PDE10A: variants seen among roughly 807,000 people sequenced by gnomAD.
PDE10A encodes the protein cAMP and cAMP-inhibited cGMP 3',5'-cyclic phosphodiesterase 10A.
In PDE10A, 39 loss-of-function variants were observed where a neutral mutation model predicts 97.7. That is an observed-to-expected ratio of 0.40 (90% CI 0.31 to 0.52). The LOEUF (loss-of-function observed/expected upper bound fraction) is 0.52, where lower values mean the gene tolerates loss of function less well. PDE10A is among the 20% of genes least tolerant of loss of function. PDE10A has a pLI of 0.56. For synonymous variants in PDE10A, 371 were observed against 376.8 expected (o/e 0.98, Z 0.18); for missense variants, 731 against 1,047.8 (o/e 0.70, Z 4.17).
At chr6:165,653,913 T>C (rs1789810418) in intron 1 of PDE10A, among the ~76,000 whole-genome samples, 1 of 152,044 alleles carries the variant, frequency 6.6e-6, no homozygotes, top group Non-Finnish European at 1.5e-5. Context: ...CATGAGATCC[T>C]CCTACTCTAC....
At chr6:165,707,442 T>G (rs1791740849) in intron 1 of PDE10A, among the ~76,000 whole-genome samples, 1 of 152,178 alleles carries the variant, frequency 6.6e-6, no homozygotes, top group African/African-American at 2.4e-5. Flanking sequence ...AGGCCTCACC[T>G]CAAGGTGTTG....
intron 1 of PDE10A, among the ~76,000 whole-genome samples, chr6:165,745,451 C>T (rs1036351512): frequency 2.0e-5 from 3 of 152,126 alleles, no homozygotes; most frequent in Admixed American, 6.5e-5. Context: ...AGTTCTGATA[C>T]TTAACTAATA....
intron 1 of PDE10A, among the ~76,000 whole-genome samples, chr6:165,932,661 G>A (rs138278840): frequency 0.014 from 2,053 of 151,814 alleles, 50 homozygotes; most frequent in African/African-American, 0.047. Context: ...TAGTAGAGAC[G>A]GTGTTTCACC....
At chr6:165,952,144 T>A (rs949274099) in intron 1 of PDE10A, among the ~76,000 whole-genome samples, 1 of 152,230 alleles carries the variant, frequency 6.6e-6, no homozygotes, top group African/African-American at 2.4e-5. Flanking sequence ...CAGCTAGGGT[T>A]CAACGTCAGC....
chr6:165,400,722 G>T (rs537817529), intron 13 of PDE10A, among the ~76,000 whole-genome samples: 1 of 152,290 alleles, frequency 6.6e-6, no homozygotes, highest in African/African-American at 2.4e-5. Flanking sequence ...ACCCAAGCGA[G>T]ATGAAAGTCT....
intron 1 of PDE10A, among the ~76,000 whole-genome samples, chr6:165,817,656 T>C (rs1021777978): frequency 6.6e-6 from 1 of 152,266 alleles, no homozygotes; most frequent in African/African-American, 2.4e-5. Flanking sequence ...GTCCCTGCCA[T>C]GTCATGTGAG....
chr6:165,760,694 G>C (rs1487621234), intron 1 of PDE10A, among the ~76,000 whole-genome samples: 2 of 152,176 alleles, frequency 1.3e-5, no homozygotes, highest in South Asian at 2.1e-4. Context: ...ATTGTACCTG[G>C]TGTCCTACTG....
chr6:165,794,322 A>T (rs1231261034), intron 1 of PDE10A, among the ~76,000 whole-genome samples: 1 of 151,076 alleles, frequency 6.6e-6, no homozygotes, highest in East Asian at 1.9e-4. Flanking sequence ...ACACATACTC[A>T]TCACACACTC....
At chr6:165,987,606 A>G (rs1277093730) in exon 1 of PDE10A, 1 of 418,174 alleles carries the variant, frequency 2.4e-6, no homozygotes. Flanking sequence ...ACAGTGAGAG[A>G]AAGAAAAAGA....
At chr6:165,745,908 T>C (rs1358222059) in intron 1 of PDE10A, among the ~76,000 whole-genome samples, 2 of 152,178 alleles carry the variant, frequency 1.3e-5, no homozygotes, top group Non-Finnish European at 2.9e-5. Context: ...GAATACACGA[T>C]TGGGGTGTGT....
chr6:165,498,704 A>C (rs1418531591), intron 2 of PDE10A, among the ~76,000 whole-genome samples: 1 of 152,122 alleles, frequency 6.6e-6, no homozygotes, highest in Non-Finnish European at 1.5e-5. Context: ...CTTAGAATGA[A>C]GTTTAAAGTT....
chr6:165,633,546 A>G (rs1079418), intron 1 of PDE10A, among the ~76,000 whole-genome samples: 48,283 of 152,094 alleles, frequency 0.32, 7,875 homozygotes, highest in Middle Eastern at 0.5. Flanking sequence ...AAAACCCAAC[A>G]TTTATGTCTT....
At chr6:165,975,033 A>G (rs981325700) in intron 1 of PDE10A, among the ~76,000 whole-genome samples, 1 of 152,192 alleles carries the variant, frequency 6.6e-6, no homozygotes, top group Non-Finnish European at 1.5e-5. Flanking sequence ...ACTTCATCTC[A>G]TTGTCTGGGA....
rs548537447 is a variant in PDE10A, at chr6:165,645,536, G to A, written c.865+16411C>T. ...CATTAAATCTGGCAAAACCTACACAGTTGTTGACTGAGATCTCCTGAAAAG... is the reference window on the plus strand; with the variant it reads ...CATTAAATCTGGCAAAACCTACACAATTGTTGACTGAGATCTCCTGAAAAG... On this transcript the variant is annotated intron_variant, in intron 1 of 21. Coordinates refer to ENST00000539869, the MANE Select transcript of PDE10A (RefSeq NM_001385079.1). Among the ~76,000 whole-genome samples the A allele has an allele frequency of 1.2e-4, 19 of 152,222 alleles. No homozygotes were observed. The South Asian group carries it at 3.7e-3, about 30-fold the overall frequency.
intron 1 of PDE10A, among the ~76,000 whole-genome samples, chr6:165,625,086 C>T (rs1191173805): frequency 6.6e-6 from 1 of 151,594 alleles, no homozygotes; most frequent in African/African-American, 2.4e-5. Context: ...AGAGAGAGTG[C>T]TGGAGAGACG....
At chr6:165,736,231 C>T (rs1792571974) in intron 1 of PDE10A, among the ~76,000 whole-genome samples, 1 of 152,176 alleles carries the variant, frequency 6.6e-6, no homozygotes, top group African/African-American at 2.4e-5. Context: ...ATTATGACAT[C>T]AGTATGATGG....
chr6:165,849,566 C>T (rs1434484168), intron 1 of PDE10A, among the ~76,000 whole-genome samples: 1 of 152,226 alleles, frequency 6.6e-6, no homozygotes. Context: ...GAGAAAAACG[C>T]ACCTCATGTA....
intron 2 of PDE10A, among the ~76,000 whole-genome samples, chr6:165,540,370 T>G (rs978230477): frequency 1.3e-5 from 2 of 152,256 alleles, no homozygotes; most frequent in Non-Finnish European, 2.9e-5. Context: ...ACATAATAAT[T>G]GTACATATTT....
chr6:165,893,618 C>T (rs1380840736), intron 1 of PDE10A, among the ~76,000 whole-genome samples: 1 of 152,200 alleles, frequency 6.6e-6, no homozygotes, highest in East Asian at 1.9e-4. Context: ...TGCATCTACA[C>T]AGCCGGGCAG....
Sources: gnomAD v4.1 joint callset for allele counts (sites outside exome capture counted in the v4.1 genomes callset) on GRCh38, gnomAD v4.1.1 for gene constraint, MANE v1.5 for transcripts, NCBI Gene and HGNC (gene_info 2026-07-23, HGNC 2026-07-21) for gene names.